Variants in PCDHA3 observed in about 807,000 individuals in gnomAD.
PCDHA3 encodes protocadherin alpha-3.
PCDHA3 carries 41 observed loss-of-function variants against 62.2 expected under a neutral mutation model. That is an observed-to-expected ratio of 0.66 (90% confidence interval 0.51 to 0.86). The LOEUF is 0.86. Ranked by LOEUF, PCDHA3 falls within the 40% of genes least tolerant of loss-of-function variation. The pLI is 0.00. For synonymous variants in PCDHA3, 640 were observed against 555.4 expected (o/e 1.15, Z -2.14); for missense variants, 1,304 against 1,241.2 (o/e 1.05, Z -0.76).
rs145763112 is a variant in PCDHA3, at chr5:140,835,616, C to A, written c.2394+32025C>A. The A allele has an allele frequency of 2.0e-5, 32 of 1,613,766 alleles. No homozygotes were observed. The highest frequency in any genetic ancestry group is 8.3e-5 in the Admixed American group (5 of 59,990). On this transcript the variant is annotated intron_variant, in intron 1 of 3. Transcript: ENST00000522353. ...ATTACTATTCATTGGTGCTGGACAGCGCTCTGGACCGCGAGAGTGTGTCCG... is the reference window on the plus strand; with the variant it reads ...ATTACTATTCATTGGTGCTGGACAGAGCTCTGGACCGCGAGAGTGTGTCCG...
intron 1 of PCDHA3, chr5:140,854,421 A>T (rs1331549600): frequency 1.3e-5 from 2 of 151,624 alleles, no homozygotes; most frequent in Admixed American, 1.3e-4. Flanking sequence ...TAATCTCTAA[A>T]ATCAGAATTT....
Position 140,849,743 on chromosome 5 carries a change from G to C in PCDHA3, c.2394+46152G>C. The C allele has an allele frequency of 1.9e-6, 3 of 1,598,504 alleles. No individual in the cohort carries two copies. The highest frequency in any genetic ancestry group is 2.6e-6 in the Non-Finnish European group (3 of 1,168,014). On this transcript the variant is annotated intron_variant, in intron 1 of 3. Transcript: ENST00000522353. ...TGCTGGACAGAGCTCTGGACCGCGA[G>C]AGTGTGTCCGCCTACGAGCTGGTGG...
At chr5:140,898,818 A>G (rs2066994592) in intron 1 of PCDHA3, among the ~76,000 whole-genome samples, 1 of 152,216 alleles carries the variant, frequency 6.6e-6, no homozygotes, top group Admixed American at 6.5e-5. Flanking sequence ...CTTCCTACCC[A>G]TGAGCATGGA....
intron 1 of PCDHA3, among the ~76,000 whole-genome samples, chr5:140,832,042 A>G (rs2150199272): frequency 1.8e-4 from 28 of 152,338 alleles, no homozygotes; most frequent in Admixed American, 3.3e-4. Flanking sequence ...ATTCATAGTG[A>G]GGCCATAATT....
At chr5:140,843,442 A>C in intron 1 of PCDHA3, 2 of 1,596,116 alleles carry the variant, frequency 1.3e-6, no homozygotes, top group Non-Finnish European at 1.7e-6. Context: ...TCTGCGCGGT[A>C]TCCAGCCTGC....
At chr5:140,905,855 A>G (rs1297642648) in intron 1 of PCDHA3, among the ~76,000 whole-genome samples, 1 of 152,128 alleles carries the variant, frequency 6.6e-6, no homozygotes, top group East Asian at 1.9e-4. Context: ...AGGAGTATTA[A>G]CTCACACAAT....
intron 1 of PCDHA3, among the ~76,000 whole-genome samples, chr5:140,959,151 C>CAG (rs782425604): frequency 2.0e-4 from 30 of 152,084 alleles, no homozygotes; most frequent in African/African-American, 7.0e-4. Context: ...CCAAAGTGGG[C>CAG]AGATTGCTTG....
chr5:140,980,360 G>A (rs1173525969), intron 2 of PCDHA3, among the ~76,000 whole-genome samples: 4 of 152,142 alleles, frequency 2.6e-5, no homozygotes, highest in Middle Eastern at 3.2e-3. Context: ...GACTGGGCGC[G>A]GTGGCTCACA....
In PCDHA3 at chr5:140,869,379, C is replaced by G. The variant is rs1554162987; in HGVS notation, c.2394+65788C>G. The G allele has an allele frequency of 1.9e-6, 3 of 1,614,122 alleles. No individual in the cohort carries two copies. The South Asian group carries it at 3.3e-5, about 18-fold the overall frequency. ...TGTTTGTGAATTCTCGGATCGACCG[C>G]GAGGAGCTGTGCGGGCAGAGCGCGG... On this transcript the variant is annotated intron_variant, in intron 1 of 3. Coordinates refer to ENST00000522353, the MANE Select transcript of PCDHA3 (RefSeq NM_018906.3).
rs2150425327 is a variant in PCDHA3 at position 140,848,932 on chromosome 5, G to T, written c.2394+45341G>T. The T allele has an allele frequency of 3.7e-6, 6 of 1,607,494 alleles. No individual in the cohort carries two copies. In the African/African-American group the frequency reaches 8.1e-5, roughly 22 times the overall value. ...AAGAATCTGTTCATCGCGGAATCCA[G>T]GCCGCTTGACTCTCGGTTTCCACTA... On this transcript the variant is annotated intron_variant, in intron 1 of 3. Transcript: ENST00000522353.
At chr5:140,834,559 T>A in intron 1 of PCDHA3, 2 of 1,614,090 alleles carry the variant, frequency 1.2e-6, no homozygotes, top group Middle Eastern at 1.7e-4. Context: ...CTGGCGGAGC[T>A]GGTGCCGCGC....
intron 1 of PCDHA3, among the ~76,000 whole-genome samples, chr5:140,919,151 G>A (rs1246862771): frequency 2.6e-5 from 4 of 152,122 alleles, no homozygotes; most frequent in African/African-American, 9.7e-5. Flanking sequence ...ATTATTAGAT[G>A]CAAGTATGTT....
At chr5:140,898,573 T>C (rs1161265188) in intron 1 of PCDHA3, among the ~76,000 whole-genome samples, 3 of 152,250 alleles carry the variant, frequency 2.0e-5, no homozygotes, top group Non-Finnish European at 4.4e-5. Flanking sequence ...ACCAGTGCCA[T>C]GCTGTTTTGG....
chr5:140,857,788 G>GCTGC, intron 1 of PCDHA3: 1 of 1,597,732 alleles, frequency 6.3e-7, no homozygotes, highest in South Asian at 1.1e-5. Flanking sequence ...GTGAGCTGGT[G>GCTGC]CTGCGGTCGG....
At chr5:141,007,306 T>C (rs1050571899) in intron 3 of PCDHA3, among the ~76,000 whole-genome samples, 8 of 151,500 alleles carry the variant, frequency 5.3e-5, no homozygotes, top group Admixed American at 3.3e-4. Context: ...ATCTTAGCAT[T>C]TTGGGAGGCT....
chr5:140,873,959 C>A (rs782271124), intron 1 of PCDHA3, among the ~76,000 whole-genome samples: 1 of 152,136 alleles, frequency 6.6e-6, no homozygotes, highest in Non-Finnish European at 1.5e-5. Context: ...CTGAGCCCAG[C>A]CTATTTTTTA....
At position 140,803,073 on chromosome 5, in the gene PCDHA3, C is replaced by A. The variant is rs782642335; in HGVS notation, c.1876C>A (p.Leu626Met). 4 of 1,613,942 alleles carry A rather than the reference C, an allele frequency of 2.5e-6. No individual in the cohort carries two copies. The highest frequency in any genetic ancestry group is 3.4e-6 in the Non-Finnish European group (4 of 1,179,944). ...TGCGCGCATCCCGTTTCGCGTGGGG[C>A]TGTACACGGGAGAGATCAGCACGAC... ...GGARIPFRVGLYTGEISTTRA... is the reference protein window; with the variant it reads ...GGARIPFRVGMYTGEISTTRA... The change falls in exon 1 of 4, where the codon CTG becomes ATG. Residue 626 changes from leucine (L) to methionine (M), a missense_variant. Physicochemically the swap from Leu to Met is conservative, Grantham distance 15 (BLOSUM62 2). Coordinates refer to ENST00000522353, the MANE Select transcript of PCDHA3 (RefSeq NM_018906.3).
chr5:140,857,042 C>A, intron 1 of PCDHA3: 1 of 1,595,550 alleles, frequency 6.3e-7, no homozygotes, highest in South Asian at 1.1e-5. Flanking sequence ...TATGGTTGGT[C>A]ACTGCACGGT....
At chr5:140,992,208 A>G (rs2097499240) in intron 3 of PCDHA3, among the ~76,000 whole-genome samples, 1 of 152,150 alleles carries the variant, frequency 6.6e-6, no homozygotes, top group African/African-American at 2.4e-5. Context: ...AATCAGATAA[A>G]CTACTCTCCC....
Sources: gnomAD v4.1 joint callset for allele counts (sites outside exome capture counted in the v4.1 genomes callset) on GRCh38, gnomAD v4.1.1 for gene constraint, MANE v1.5 for transcripts, NCBI Gene and HGNC (gene_info 2026-07-23, HGNC 2026-07-21) for gene names.